The following SUPT20H variants were observed in gnomAD, a reference collection of about 807,000 sequenced individuals.
The protein encoded by SUPT20H is SPT20 homolog, SAGA complex component.
A neutral mutation model predicts 122.8 loss-of-function variants in SUPT20H; 82 were observed. The ratio of observed to expected loss-of-function variants is 0.67; its 90% CI spans 0.56 to 0.80. SUPT20H has a LOEUF of 0.80. SUPT20H is among the 30% of genes least tolerant of loss of function. The probability of loss-of-function intolerance (pLI) is 0.00; values close to 1 mark genes in which losing one functional copy is unlikely to be tolerated. For synonymous variants in SUPT20H, 291 were observed against 313.0 expected, an observed-to-expected ratio of 0.93 and a Z score of 0.74; for missense variants, 831 against 921.6, an observed-to-expected ratio of 0.90 and a Z score of 1.27.
intron 18 of SUPT20H, 44 bp from the exon 19 acceptor site, chr13:37,024,237 T>A (rs777175969): frequency 6.4e-7 from 1 of 1,565,904 alleles, no homozygotes; most frequent in South Asian, 1.2e-5. Flanking sequence ...TAATTCAAAC[T>A]TCTGTGAACT....
chr13:37,025,474 A>G (rs765228607), intron 16 of SUPT20H, 37 bp from the exon 17 acceptor site: 2 of 1,447,396 alleles, frequency 1.4e-6, no homozygotes, highest in African/African-American at 2.8e-5. Flanking sequence ...AGATTAGAAA[A>G]CCTGTTTTAA....
In SUPT20H at chr13:37,019,903, AGGAAACAGTGCTCT is replaced by A. The variant is rs1195789022; in HGVS notation, c.1817-520_1817-507del. The stretch of plus-strand genomic sequence containing the variant: ...TGTGTATAAAGATCAAAACAGAGTC[AGGAAACAGTGCTCT>A]GTTAATTTAAACTTATTCCTAAAAA... On this transcript the variant is annotated intron_variant, in intron 21 of 25. Coordinates refer to ENST00000350612, the MANE Select transcript of SUPT20H (RefSeq NM_001014286.3). Among the ~76,000 whole-genome samples the A allele has an allele frequency of 8.5e-5, 13 of 152,346 alleles. No individual in the cohort carries two copies. In the East Asian group the frequency reaches 2.5e-3, roughly 29 times the overall value.
intron 25 of SUPT20H, 51 bp downstream of exon 25, chr13:37,010,501 T>C: frequency 6.6e-7 from 1 of 1,504,428 alleles, no homozygotes; most frequent in Non-Finnish European, 9.2e-7. Flanking sequence ...TGAGGTACTT[T>C]TGGAGCTGAG....
chr13:37,023,797 C>A, intron 19 of SUPT20H: 1 of 343,284 alleles, frequency 2.9e-6, no homozygotes, highest in African/African-American at 2.1e-5. Flanking sequence ...AGGTTGTAAG[C>A]CTATAAGAAA....
chr13:37,026,319 T>G (rs2062266215), intron 15 of SUPT20H, 83 bp from the exon 16 acceptor site: 3 of 1,078,668 alleles, frequency 2.8e-6, no homozygotes, highest in Non-Finnish European at 3.8e-6. Context: ...TTTTGAATCT[T>G]CCATGTTTTA....
At chr13:37,043,288 C>T (rs1051944890) in intron 7 of SUPT20H, among the ~76,000 whole-genome samples, 3 of 152,118 alleles carry the variant, frequency 2.0e-5, no homozygotes, top group African/African-American at 7.2e-5. Flanking sequence ...TAGGAGGAAA[C>T]GAGAGTTCTC....
chr13:37,024,588 T>C (rs2061892405), intron 17 of SUPT20H, 146 bp from the exon 18 acceptor site: 1 of 493,718 alleles, frequency 2.0e-6, no homozygotes, highest in Admixed American at 4.1e-5. Flanking sequence ...GTGCTCTTAG[T>C]GGTTACAGAT....
intron 1 of SUPT20H, among the ~76,000 whole-genome samples, chr13:37,054,380 G>T (rs1349654425): frequency 3.9e-5 from 6 of 152,150 alleles, no homozygotes; most frequent in Admixed American, 2.6e-4. Flanking sequence ...TAAAATAATG[G>T]CAAATCGAAT....
intron 8 of SUPT20H, 25 bp from the exon 9 acceptor site, chr13:37,040,483 A>C: frequency 6.4e-7 from 1 of 1,569,056 alleles, no homozygotes; most frequent in Non-Finnish European, 8.6e-7. Context: ...AATTTAAAAA[A>C]CTTATTAATC....
Position 37,044,100 on chromosome 13 carries a change from A to G in SUPT20H, c.374T>C (p.Val125Ala), listed in dbSNP as rs758038567. The stretch of plus-strand genomic sequence containing the variant: ...TACCTGAGATTTTTCTAGGAGATCA[A>G]CCAAAATAGGAGGTAATTCTTCTGC... The part of the protein sequence containing the change: ...LDAEELPPIL[V>A]DLLEKSQVNI... The change falls in exon 7 of 26, where the codon GTT becomes GCT. Residue 125 changes from valine to alanine, a missense_variant. By Grantham distance (64) the Val-to-Ala change is moderately conservative (BLOSUM62 0). Coordinates refer to ENST00000350612, the MANE Select transcript of SUPT20H (RefSeq NM_001014286.3). The G allele has an allele frequency of 6.2e-7, 1 of 1,612,524 alleles. No homozygotes were observed. Among genetic ancestry groups the G allele is most frequent in the Non-Finnish European group, 8.5e-7 (1 of 1,179,268 alleles).
intron 1 of SUPT20H, among the ~76,000 whole-genome samples, chr13:37,052,907 C>T (rs1360153162): frequency 1.3e-5 from 2 of 151,864 alleles, no homozygotes; most frequent in East Asian, 3.9e-4. Flanking sequence ...TTTATGCGGC[C>T]AACATATGAA....
At chr13:37,056,879 T>G (rs1188355139) in intron 1 of SUPT20H, 2 of 152,204 alleles carry the variant, frequency 1.3e-5, no homozygotes, top group Non-Finnish European at 1.5e-5. Flanking sequence ...GTGACCCACC[T>G]GCTTGAGACT....
intron 24 of SUPT20H, chr13:37,010,906 T>C (rs2138958745): frequency 3.1e-6 from 1 of 326,508 alleles, no homozygotes; most frequent in Middle Eastern, 9.3e-4. Context: ...TGAACCTCTC[T>C]TCTCTTGCAT....
intron 23 of SUPT20H, chr13:37,013,516 G>C (rs1215160837): frequency 1.3e-5 from 2 of 151,478 alleles, no homozygotes; most frequent in African/African-American, 4.8e-5. Flanking sequence ...TTCAAAATAA[G>C]AAACTATAAA....
intron 16 of SUPT20H, among the ~76,000 whole-genome samples, 186 bp from the exon 17 acceptor site, chr13:37,025,623 A>G (rs1196968048): frequency 2.6e-5 from 4 of 152,176 alleles, no homozygotes; most frequent in African/African-American, 9.7e-5. Flanking sequence ...TCAATGACAA[A>G]TTGTCCAAAA....
intron 1 of SUPT20H, among the ~76,000 whole-genome samples, chr13:37,057,840 G>T (rs530553725): frequency 8.0e-4 from 122 of 152,130 alleles, no homozygotes; most frequent in Non-Finnish European, 1.1e-3. Flanking sequence ...CGGGTGTGGT[G>T]GCGTACACCT....
rs1171607593 is a variant in SUPT20H, at chr13:37,059,580, T to G, written c.-115A>C. The G allele has an allele frequency of 2.0e-5, 3 of 152,374 alleles. No individual in the cohort carries two copies. Among genetic ancestry groups the G allele is most frequent in the African/African-American group, 7.2e-5 (3 of 41,476 alleles). The allele number at this position is 152,374 out of a possible 1,614,324, so 9.4% of individuals were successfully genotyped here. A position where few individuals can be genotyped will look rare whatever the true frequency, so the allele number is the denominator to read the frequency against. Reference sequence around the variant, plus strand: ...CCACCTGTGCGGGTCGCCTCGCCGCTAGGCCCCAAGACGGCGCCGCCTGCT... The same window carrying G: ...CCACCTGTGCGGGTCGCCTCGCCGCGAGGCCCCAAGACGGCGCCGCCTGCT... On this transcript the variant is annotated 5_prime_UTR_variant, in exon 1 of 26. Transcript: ENST00000350612.
intron 9 of SUPT20H, chr13:37,038,527 C>T (rs932630137): frequency 6.6e-6 from 1 of 152,066 alleles, no homozygotes; most frequent in Non-Finnish European, 1.5e-5. Context: ...TAGCCCAAAC[C>T]AAAACACAAT....
At chr13:37,039,272 A>G (rs2065048127) in intron 9 of SUPT20H, 1 of 152,210 alleles carries the variant, frequency 6.6e-6, no homozygotes, top group Admixed American at 6.5e-5. Flanking sequence ...GCAAAAGCAG[A>G]GCTTTCAATA....
Sources: allele counts gnomAD v4.1 joint callset (sites outside exome capture counted in the v4.1 genomes callset), GRCh38; gene constraint gnomAD v4.1.1; transcripts MANE v1.5; gene names NCBI Gene and HGNC (gene_info 2026-07-23, HGNC 2026-07-21).